The following TENM4 variants were observed in gnomAD, a reference collection of about 807,000 sequenced individuals.
TENM4 encodes teneurin transmembrane protein 4.
TENM4 carries 82 observed loss-of-function variants against 243.3 expected under a neutral mutation model. The observed-to-expected ratio is 0.34, with a 90% CI of 0.28 to 0.40. The LOEUF (loss-of-function observed/expected upper bound fraction) is 0.40, where lower values mean the gene tolerates loss of function less well. Among genes scored for constraint, TENM4 ranks in the 10% least tolerant of loss-of-function variants. The pLI, the probability that TENM4 is intolerant of heterozygous loss-of-function variation, is 1.00. For synonymous variants in TENM4, 1,412 were observed against 1,456.3 expected (o/e 0.97, Z 0.69); for missense variants, 3,138 against 3,673.3 (o/e 0.85, Z 3.77).
intron 1 of TENM4, among the ~76,000 whole-genome samples, chr11:79,384,462 C>G (rs553278945): frequency 2.8e-4 from 42 of 152,218 alleles, no homozygotes; most frequent in Non-Finnish European, 4.6e-4. Context: ...CTCTGCTGAC[C>G]GTGCCAGATT....
At chr11:79,014,416 T>C (rs768657837) in intron 6 of TENM4, among the ~76,000 whole-genome samples, 2 of 152,200 alleles carry the variant, frequency 1.3e-5, no homozygotes, top group Non-Finnish European at 2.9e-5. Flanking sequence ...TATTATCTAA[T>C]TAAGGCTCAC....
chr11:78,969,305 G>A (rs538660447), intron 6 of TENM4, among the ~76,000 whole-genome samples: 20 of 152,300 alleles, frequency 1.3e-4, no homozygotes, highest in African/African-American at 4.8e-4. Context: ...TACATAAAGA[G>A]AACATAGGAC....
chr11:79,098,542 G>A (rs760134326), intron 4 of TENM4, among the ~76,000 whole-genome samples: 1 of 152,168 alleles, frequency 6.6e-6, no homozygotes, highest in Non-Finnish European at 1.5e-5. Context: ...CACCCTAAAG[G>A]TAAGCTGGCT....
chr11:79,330,843 T>A (rs1857050332), intron 1 of TENM4, among the ~76,000 whole-genome samples: 1 of 152,214 alleles, frequency 6.6e-6, no homozygotes, highest in Non-Finnish European at 1.5e-5. Context: ...TCTCAGCGCC[T>A]GGGGCCACCG....
intron 20 of TENM4, among the ~76,000 whole-genome samples, chr11:78,735,395 AT>A (rs1418664819): frequency 6.6e-6 from 1 of 152,212 alleles, no homozygotes; most frequent in Non-Finnish European, 1.5e-5. Flanking sequence ...TTGATAGAAC[AT>A]TTTTAACTGT....
chr11:78,738,185 G>C (rs1326351021), intron 20 of TENM4, among the ~76,000 whole-genome samples: 1 of 152,216 alleles, frequency 6.6e-6, no homozygotes, highest in Admixed American at 6.5e-5. Context: ...TATATCATAA[G>C]TCATGGAGCA....
chr11:79,288,838 G>T (rs143930311), intron 2 of TENM4, among the ~76,000 whole-genome samples: 1 of 152,164 alleles, frequency 6.6e-6, no homozygotes, highest in Non-Finnish European at 1.5e-5. Flanking sequence ...GTGGGCTGCT[G>T]GTTGAAATAA....
chr11:78,723,371 G>A (rs1855444637), intron 23 of TENM4, among the ~76,000 whole-genome samples: 1 of 152,262 alleles, frequency 6.6e-6, no homozygotes, highest in Non-Finnish European at 1.5e-5. Context: ...CATTTCAAGT[G>A]TGGAGACTAT....
chr11:78,795,083 G>A (rs74533230), intron 15 of TENM4, among the ~76,000 whole-genome samples: 3,458 of 152,144 alleles, frequency 0.023, 124 homozygotes, highest in African/African-American at 0.079. Flanking sequence ...CTCCTTTACC[G>A]TGATCTTCAT....
intron 23 of TENM4, 44 bp downstream of exon 23, chr11:78,726,035 G>T (rs1855503107): frequency 1.2e-6 from 2 of 1,609,368 alleles, no homozygotes; most frequent in South Asian, 1.1e-5. Context: ...ATGAGACAAG[G>T]TTCCACCCCA....
At chr11:78,726,517 T>C (rs185800642) in intron 22 of TENM4, among the ~76,000 whole-genome samples, 1 of 152,326 alleles carries the variant, frequency 6.6e-6, no homozygotes. Context: ...TAGTATGTGA[T>C]GGGGTTTGTT....
chr11:79,294,384 CTCT>C (rs1269737772), intron 2 of TENM4, among the ~76,000 whole-genome samples: 1 of 152,178 alleles, frequency 6.6e-6, no homozygotes, highest in African/African-American at 2.4e-5. Flanking sequence ...AAAAAGATGT[CTCT>C]TCTTCTGGGC....
At chr11:79,320,266 A>T (rs61704753) in intron 1 of TENM4, among the ~76,000 whole-genome samples, 1,599 of 152,220 alleles carry the variant, frequency 0.011, 30 homozygotes, top group African/African-American at 0.037. Flanking sequence ...CTTTTTCATC[A>T]TGTCTCCATA....
intron 6 of TENM4, among the ~76,000 whole-genome samples, chr11:78,955,967 A>G (rs1857200484): frequency 6.6e-6 from 1 of 152,146 alleles, no homozygotes. Flanking sequence ...TGGAAAGAAC[A>G]CTGGAGTCTG....
At chr11:79,087,375 T>C (rs1422447975) in intron 4 of TENM4, among the ~76,000 whole-genome samples, 1 of 152,216 alleles carries the variant, frequency 6.6e-6, no homozygotes, top group African/African-American at 2.4e-5. Context: ...GAATTCCATA[T>C]GTTTGAGGAA....
chr11:78,729,823 CAGG>C (rs1159627368), intron 21 of TENM4, among the ~76,000 whole-genome samples, 180 bp from the exon 22 acceptor site: 2 of 151,688 alleles, frequency 1.3e-5, no homozygotes, highest in African/African-American at 4.8e-5. Context: ...TGAAGAGAAG[CAGG>C]AGGAGGAGGA....
chr11:79,197,782 C>T (rs1447846295), intron 3 of TENM4, among the ~76,000 whole-genome samples: 2 of 152,200 alleles, frequency 1.3e-5, no homozygotes, highest in African/African-American at 4.8e-5. Context: ...GCTTTCTCTC[C>T]TCCTGAACCC....
At chr11:78,802,834 ATCATGAGACCCT>A (rs1857308322) in intron 15 of TENM4, among the ~76,000 whole-genome samples, 1 of 152,346 alleles carries the variant, frequency 6.6e-6, no homozygotes, top group South Asian at 2.1e-4. Flanking sequence ...CCTTGTGGCA[ATCATGAGACCCT>A]TCTAGTCATT....
intron 6 of TENM4, among the ~76,000 whole-genome samples, chr11:78,978,380 GA>G (rs1204823967): frequency 1.3e-5 from 2 of 151,686 alleles, no homozygotes; most frequent in Non-Finnish European, 2.9e-5. Context: ...GAAAAGAAAA[GA>G]AAAGAAAAGA....
Sources: allele counts gnomAD v4.1 joint callset (sites outside exome capture counted in the v4.1 genomes callset), GRCh38; gene constraint gnomAD v4.1.1; transcripts MANE v1.5; gene names NCBI Gene and HGNC (gene_info 2026-07-23, HGNC 2026-07-21).